The following GPC5 variants were observed in gnomAD, a reference collection of about 807,000 sequenced individuals.
GPC5 encodes the protein glypican-5.
GPC5 carries 47 observed loss-of-function variants against 53.9 expected under a neutral mutation model. The ratio of observed to expected loss-of-function variants is 0.87; its 90% CI spans 0.69 to 1.11. The LOEUF (loss-of-function observed/expected upper bound fraction) is 1.11. Among genes scored for constraint, GPC5 ranks in the 50% most tolerant of loss-of-function variants. The pLI is 0.00. For synonymous variants in GPC5, 286 were observed against 263.3 expected (o/e 1.09, Z -0.84); for missense variants, 748 against 713.1 (o/e 1.05, Z -0.56).
rs114918449 is a variant in GPC5 at position 92,304,957 on chromosome 13, C to A, written c.1561+159968C>A. ...GATGTGAAGTGTATACAGCCCTAAC[C>A]ATTAGAGTAAATAGATGAGATCGGG... On this transcript the variant is annotated intron_variant, in intron 7 of 7. Coordinates refer to ENST00000377067, the MANE Select transcript of GPC5 (RefSeq NM_004466.6). Among the ~76,000 whole-genome samples, 943 of 152,198 alleles carry A rather than the reference C, an allele frequency of 6.2e-3. 10 individuals carry two copies. The highest frequency in any genetic ancestry group is 0.019 in the African/African-American group (809 of 41,528).
chr13:92,487,658 A>G (rs1879604385), intron 7 of GPC5, among the ~76,000 whole-genome samples: 1 of 152,042 alleles, frequency 6.6e-6, no homozygotes, highest in South Asian at 2.1e-4. Flanking sequence ...GTGACCCCAA[A>G]GTTTATCTTG....
rs568381820 is a variant in GPC5 at position 92,429,823 on chromosome 13, G to A, written c.1561+284834G>A. Among the ~76,000 whole-genome samples, 99 of 152,122 alleles carry A rather than the reference G, an allele frequency of 6.5e-4. 4 individuals are homozygous for A. The highest frequency in any genetic ancestry group is 1.2e-3 in the East Asian group (6 of 5,182). On this transcript the variant is annotated intron_variant, in intron 7 of 7. Transcript: ENST00000377067. ...GTAATCATTAAGAATTACTGGGAGC[G>A]TAATACTAATTTTTTTACAAAGAGA...
chr13:92,693,357 G>C (rs1887469725), intron 7 of GPC5, among the ~76,000 whole-genome samples: 1 of 152,108 alleles, frequency 6.6e-6, no homozygotes, highest in Admixed American at 6.5e-5. Context: ...AGGAGGATGT[G>C]GGAAAATTTC....
chr13:92,561,578 C>T (rs1255738704), intron 7 of GPC5, among the ~76,000 whole-genome samples: 1 of 151,958 alleles, frequency 6.6e-6, no homozygotes, highest in Non-Finnish European at 1.5e-5. Flanking sequence ...TATTCATTTC[C>T]ACACAGGTTA....
At chr13:91,845,533 A>G (rs1490945311) in intron 5 of GPC5, among the ~76,000 whole-genome samples, 3 of 152,198 alleles carry the variant, frequency 2.0e-5, no homozygotes, top group Admixed American at 6.5e-5. Context: ...TATACAGTAC[A>G]GTATTATTAA....
chr13:91,400,471 G>T (rs1876852536), intron 1 of GPC5, among the ~76,000 whole-genome samples: 1 of 151,996 alleles, frequency 6.6e-6, no homozygotes, highest in Non-Finnish European at 1.5e-5. Context: ...CTCAGTTTAG[G>T]GCGATTCTTC....
intron 7 of GPC5, among the ~76,000 whole-genome samples, chr13:92,282,591 T>C (rs1594064997): frequency 6.6e-6 from 1 of 152,262 alleles, no homozygotes; most frequent in Non-Finnish European, 1.5e-5. Context: ...GGGGCCAATA[T>C]TCAACATTCT....
chr13:91,569,574 A>G (rs1048908807), intron 2 of GPC5, among the ~76,000 whole-genome samples: 56 of 152,156 alleles, frequency 3.7e-4, no homozygotes, highest in Non-Finnish European at 1.0e-4. Context: ...ATGTTCAAGA[A>G]TCTAGAAGAA....
chr13:92,079,307 C>A (rs2041276772), intron 6 of GPC5, among the ~76,000 whole-genome samples: 2 of 152,186 alleles, frequency 1.3e-5, no homozygotes, highest in Admixed American at 1.3e-4. Flanking sequence ...ACCTCGGCCT[C>A]CCAATGTCTT....
intron 7 of GPC5, among the ~76,000 whole-genome samples, chr13:92,450,457 C>T (rs1278229649): frequency 3.3e-5 from 5 of 152,014 alleles, no homozygotes; most frequent in Non-Finnish European, 7.4e-5. Flanking sequence ...CACATGAGGT[C>T]AGGTGTGGAA....
intron 7 of GPC5, among the ~76,000 whole-genome samples, chr13:92,233,504 C>G (rs1487552392): frequency 1.3e-5 from 2 of 152,100 alleles, no homozygotes; most frequent in Non-Finnish European, 2.9e-5. Flanking sequence ...CTTTCTACCT[C>G]CTTAGGATCT....
At chr13:92,192,958 C>A (rs1314235094) in intron 7 of GPC5, among the ~76,000 whole-genome samples, 7 of 152,050 alleles carry the variant, frequency 4.6e-5, no homozygotes, top group Non-Finnish European at 1.0e-4. Context: ...GGGCGGATCA[C>A]AAGGTCAGGA....
chr13:91,471,420 A>G (rs1882617849), intron 2 of GPC5, among the ~76,000 whole-genome samples: 1 of 152,136 alleles, frequency 6.6e-6, no homozygotes, highest in African/African-American at 2.4e-5. Flanking sequence ...GACCTTTGGT[A>G]TAAAGCTTAG....
intron 7 of GPC5, among the ~76,000 whole-genome samples, chr13:92,359,269 G>A (rs1926652): frequency 0.41 from 61,763 of 151,226 alleles, 13,225 homozygotes; most frequent in Middle Eastern, 0.51. Flanking sequence ...AAGCATAGCA[G>A]GAATGACCTT....
At chr13:91,462,695 A>G (rs1264152204) in intron 2 of GPC5, among the ~76,000 whole-genome samples, 1 of 151,998 alleles carries the variant, frequency 6.6e-6, no homozygotes, top group Non-Finnish European at 1.5e-5. Flanking sequence ...CTCTTCTCAA[A>G]TCATACTTAG....
chr13:92,759,999 G>C (rs1443077161), intron 7 of GPC5, among the ~76,000 whole-genome samples: 1 of 152,038 alleles, frequency 6.6e-6, no homozygotes, highest in Non-Finnish European at 1.5e-5. Context: ...CAATATATTA[G>C]TGTGATGTAT....
chr13:92,291,084 A>G (rs12431084), intron 7 of GPC5, among the ~76,000 whole-genome samples: 65,503 of 152,012 alleles, frequency 0.43, 15,331 homozygotes, highest in African/African-American at 0.62. Context: ...CCTTTCCGCT[A>G]GGCAGGGCTT....
chr13:92,298,991 A>G (rs1382182613), intron 7 of GPC5, among the ~76,000 whole-genome samples: 1 of 152,244 alleles, frequency 6.6e-6, no homozygotes. Context: ...GAATAGAAAT[A>G]CAAATAAGCC....
intron 7 of GPC5, among the ~76,000 whole-genome samples, chr13:92,710,811 G>A (rs1888109352): frequency 6.6e-6 from 1 of 152,134 alleles, no homozygotes; most frequent in Non-Finnish European, 1.5e-5. Flanking sequence ...AAGCAAATAA[G>A]AAATCCTTTA....
Sources: gnomAD v4.1 joint callset for allele counts (sites outside exome capture counted in the v4.1 genomes callset) on GRCh38, gnomAD v4.1.1 for gene constraint, MANE v1.5 for transcripts, NCBI Gene and HGNC (gene_info 2026-07-23, HGNC 2026-07-21) for gene names.